The following CLASP1 variants were observed in gnomAD, a reference collection of about 807,000 sequenced individuals.
The protein encoded by CLASP1 is cytoplasmic linker associated protein 1, also known as CLIP-associating protein 1.
Under a neutral mutation model 192.3 loss-of-function variants are expected in CLASP1, and 38 were observed. The ratio of observed to expected loss-of-function variants is 0.20; its 90% CI spans 0.15 to 0.26. The LOEUF (loss-of-function observed/expected upper bound fraction) is 0.26. Among genes scored for constraint, CLASP1 ranks in the 10% least tolerant of loss-of-function variants. The pLI is 1.00. For synonymous variants in CLASP1, 691 were observed against 712.8 expected (o/e 0.97, Z 0.49); for missense variants, 1,433 against 1,932.5 (o/e 0.74, Z 4.85).
intron 20 of CLASP1, among the ~76,000 whole-genome samples, chr2:121,429,862 G>T (rs1273250266): frequency 2.6e-5 from 4 of 152,188 alleles, no homozygotes; most frequent in African/African-American, 9.7e-5. Flanking sequence ...AATACAAAAT[G>T]TAAATCACCT....
intron 6 of CLASP1, among the ~76,000 whole-genome samples, chr2:121,516,577 A>C (rs970549994): frequency 3.9e-5 from 6 of 152,248 alleles, no homozygotes; most frequent in Non-Finnish European, 4.4e-5. Context: ...GACAGGGTAG[A>C]CTTTTTTTCT....
At chr2:121,470,685 G>A (rs943924614) in intron 8 of CLASP1, 7 of 451,644 alleles carry the variant, frequency 1.5e-5, no homozygotes, top group Admixed American at 1.2e-4. Context: ...ATAGTTTTAG[G>A]AATGAAAACC....
chr2:121,367,565 C>G, intron 35 of CLASP1, 23 bp downstream of exon 36: 2 of 1,613,608 alleles, frequency 1.2e-6, no homozygotes, highest in Non-Finnish European at 1.7e-6. Context: ...TGGGTGGGGA[C>G]AGTTAAGAAA....
chr2:121,530,856 T>C, intron 2 of CLASP1: 1 of 669,606 alleles, frequency 1.5e-6, no homozygotes, highest in South Asian at 1.5e-5. Flanking sequence ...GCTTCCTGCT[T>C]GCAGCCCAGG....
In CLASP1 at chr2:121,602,240, C is replaced by G. The variant is rs191354481; in HGVS notation, c.195+3461G>C. ...TATGACAGCTACCAAAAATAAAATA[C>G]CTAGGAATAAATTTAACCAAGGAGA... On this transcript the variant is annotated intron_variant, in intron 2 of 39. Transcript: ENST00000263710. 1.3e-3 allele frequency among the ~76,000 whole-genome samples: 188 copies of G among 149,718 alleles called. 1 individual carries two copies. The highest frequency in any genetic ancestry group is 4.5e-3 in the African/African-American group (183 of 40,886).
intron 34 of CLASP1, among the ~76,000 whole-genome samples, chr2:121,371,226 T>TAC: frequency 6.6e-6 from 1 of 151,882 alleles, no homozygotes; most frequent in East Asian, 1.9e-4. Flanking sequence ...TGTGTATATA[T>TAC]ACATATATAT....
rs117654809 is a variant in CLASP1 at position 121,436,800 on chromosome 2, C to T, written c.1913-6623G>A. Among the ~76,000 whole-genome samples the T allele has an allele frequency of 2.2e-4, 34 of 152,220 alleles. No homozygotes were observed. The East Asian group carries it at 3.9e-3, about 17-fold the overall frequency. ...CATTCTCCCTCTTCTTCTTAAACTC[C>T]CATTAGACATGTTAAATTTCTTTAC... On this transcript the variant is annotated intron_variant, in intron 19 of 39. Coordinates refer to ENST00000263710, the Ensembl canonical transcript of CLASP1.
At chr2:121,360,183 T>A (rs1372612567) in intron 37 of CLASP1, among the ~76,000 whole-genome samples, 2 of 152,210 alleles carry the variant, frequency 1.3e-5, no homozygotes, top group Non-Finnish European at 2.9e-5. Context: ...CAGCCCCATG[T>A]TAACCTGCCG....
At chr2:121,407,689 C>T (rs1380388489) in exon 25 of CLASP1, 2 of 1,613,964 alleles carry the variant, frequency 1.2e-6, no homozygotes, top group Non-Finnish European at 1.7e-6. Flanking sequence ...TCCCATACGG[C>T]TCATATCTCC....
chr2:121,567,791 C>G (rs1191375045), intron 2 of CLASP1, among the ~76,000 whole-genome samples: 1 of 152,176 alleles, frequency 6.6e-6, no homozygotes, highest in Admixed American at 6.5e-5. Context: ...CAAATCTGGA[C>G]TACAAAGAGG....
chr2:121,570,076 A>G (rs1004609312), intron 2 of CLASP1, among the ~76,000 whole-genome samples: 4 of 152,204 alleles, frequency 2.6e-5, no homozygotes, highest in African/African-American at 9.6e-5. Context: ...TAAGGATAAA[A>G]GTTAAAAAAG....
intron 1 of CLASP1, among the ~76,000 whole-genome samples, chr2:121,640,622 G>A (rs1325449611): frequency 6.6e-6 from 1 of 152,006 alleles, no homozygotes; most frequent in East Asian, 1.9e-4. Context: ...CCAGATAGTG[G>A]CAGCATACCT....
At chr2:121,552,593 A>G (rs1272816437) in intron 2 of CLASP1, among the ~76,000 whole-genome samples, 1 of 152,214 alleles carries the variant, frequency 6.6e-6, no homozygotes, top group Non-Finnish European at 1.5e-5. Context: ...TATGAAAAAA[A>G]GCTCAACATC....
intron 9 of CLASP1, among the ~76,000 whole-genome samples, chr2:121,464,360 C>T (rs930836706): frequency 6.6e-6 from 1 of 152,018 alleles, no homozygotes; most frequent in Admixed American, 6.6e-5. Context: ...GGTATATACC[C>T]AGTAATGGGA....
At chr2:121,647,899 G>A (rs2073470262) in intron 1 of CLASP1, among the ~76,000 whole-genome samples, 1 of 152,082 alleles carries the variant, frequency 6.6e-6, no homozygotes, top group Non-Finnish European at 1.5e-5. Flanking sequence ...TAAAACTTTA[G>A]AAGTCTAAAA....
intron 24 of CLASP1, among the ~76,000 whole-genome samples, chr2:121,410,629 A>T (rs1211194049): frequency 1.3e-5 from 2 of 152,224 alleles, no homozygotes; most frequent in African/African-American, 4.8e-5. Flanking sequence ...AAGAGCACAG[A>T]TAAGAAATAC....
chr2:121,530,332 C>G lies in CLASP1; in HGVS notation c.196-7G>C. ...CCATGCCCAGCAGAACCACCTGCAG[C>G]GGGAAACACCGGGAGCCTGTTAGCA... On this transcript the variant is annotated splice_region_variant and splice_polypyrimidine_tract_variant and intron_variant, in intron 2 of 39. Transcript: ENST00000263710. 6.5e-7 allele frequency: 1 copy of G among 1,546,584 alleles called. No homozygotes were observed. The highest frequency in any genetic ancestry group is 8.7e-7 in the Non-Finnish European group (1 of 1,144,060).
chr2:121,519,214 A>G (rs1457840475), intron 6 of CLASP1, among the ~76,000 whole-genome samples: 1 of 152,244 alleles, frequency 6.6e-6, no homozygotes, highest in Non-Finnish European at 1.5e-5. Flanking sequence ...TCCTCTGTAA[A>G]CTGAGGGTTG....
At position 121,584,989 on chromosome 2, in the gene CLASP1, T is replaced by C. The variant is rs143470907; in HGVS notation, c.195+20712A>G. 1.8e-3 allele frequency among the ~76,000 whole-genome samples: 280 copies of C among 152,334 alleles called. 3 individuals are homozygous for C. The East Asian group carries it at 0.019, about 11-fold the overall frequency. ...ATAAAGCTAACAAGTACTTACTGTA[T>C]GTCAGCACTTACGATACGTCAACCA... On this transcript the variant is annotated intron_variant, in intron 2 of 39. Coordinates refer to ENST00000263710, the Ensembl canonical transcript of CLASP1.
Sources: gnomAD v4.1 joint callset for allele counts (sites outside exome capture counted in the v4.1 genomes callset) on GRCh38, gnomAD v4.1.1 for gene constraint, MANE v1.5 for transcripts, NCBI Gene and HGNC (gene_info 2026-07-23, HGNC 2026-07-21) for gene names.